Variants in GRID1 observed in about 807,000 individuals in gnomAD.
The protein encoded by GRID1 is glutamate receptor ionotropic, delta-1.
A neutral mutation model predicts 98.0 loss-of-function variants in GRID1; 28 were observed. The ratio of observed to expected loss-of-function variants is 0.29; its 90% CI spans 0.21 to 0.39. GRID1 has a LOEUF of 0.39. Among genes scored for constraint, GRID1 ranks in the 10% least tolerant of loss-of-function variants. The pLI is 1.00. For missense variants in GRID1, 1,111 were observed against 1,340.5 expected, an observed-to-expected ratio of 0.83 and a Z score of 2.67; for synonymous variants, 553 against 538.5, an observed-to-expected ratio of 1.03 and a Z score of -0.37.
intron 5 of GRID1, among the ~76,000 whole-genome samples, chr10:85,886,045 T>C (rs1004096400): frequency 2.7e-5 from 4 of 149,792 alleles, no homozygotes; most frequent in Non-Finnish European, 4.4e-5. Flanking sequence ...AGCTGTGTCC[T>C]GCCTGGTCCC....
chr10:86,161,308 C>T (rs768866320), intron 3 of GRID1, among the ~76,000 whole-genome samples: 24 of 152,048 alleles, frequency 1.6e-4, no homozygotes, highest in Non-Finnish European at 2.9e-4. Context: ...TTTCTGAAGC[C>T]TGCATAGGGG....
At chr10:85,653,960 GAA>G (rs111388204) in intron 12 of GRID1, among the ~76,000 whole-genome samples, 1 of 151,920 alleles carries the variant, frequency 6.6e-6, no homozygotes, top group East Asian at 1.9e-4. Flanking sequence ...TTATAAGCAA[GAA>G]AAAAAAGACT....
At chr10:85,958,105 C>T (rs1264870993) in intron 4 of GRID1, among the ~76,000 whole-genome samples, 1 of 152,232 alleles carries the variant, frequency 6.6e-6, no homozygotes, top group Non-Finnish European at 1.5e-5. Flanking sequence ...TCTAGAAACC[C>T]CTCTGACCCC....
chr10:86,357,855 G>A (rs551571315), intron 2 of GRID1, among the ~76,000 whole-genome samples: 2 of 152,260 alleles, frequency 1.3e-5, no homozygotes, highest in South Asian at 2.1e-4. Flanking sequence ...GAGGGGACCA[G>A]GAACAGCAGC....
chr10:85,916,162 T>C lies in GRID1; in HGVS notation c.780+24A>G, dbSNP rs756418438. ...GCTAGGGGCTCAGTCCAGGCCGTGC[T>C]CATCACATTTCTAGAGCCCTTACCT... On this transcript the variant is annotated intron_variant, in intron 5 of 15. Transcript: ENST00000327946. The surrounding 1 kb of genome is among the most constrained non-coding windows in gnomAD (Gnocchi z 4.0). 1 of 1,586,352 alleles carries C rather than the reference T, an allele frequency of 6.3e-7. No individual in the cohort carries two copies. The highest frequency in any genetic ancestry group is 8.7e-7 in the Non-Finnish European group (1 of 1,154,808).
At chr10:86,299,148 T>C (rs922994885) in intron 2 of GRID1, among the ~76,000 whole-genome samples, 1 of 151,812 alleles carries the variant, frequency 6.6e-6, no homozygotes, top group African/African-American at 2.4e-5. Context: ...GCCTGTTCCA[T>C]GTGGTACTGC....
intron 4 of GRID1, among the ~76,000 whole-genome samples, chr10:85,969,866 G>A (rs1564638422): frequency 6.6e-6 from 1 of 151,614 alleles, no homozygotes. Context: ...AAATGAAATA[G>A]AGCATAGAAA....
chr10:86,134,966 A>C (rs12247635), intron 4 of GRID1, among the ~76,000 whole-genome samples: 29,981 of 152,150 alleles, frequency 0.2, 3,742 homozygotes, highest in African/African-American at 0.34. Context: ...AACAGCCTAC[A>C]TGCCCACATA....
chr10:86,181,745 T>C (rs1845658442), intron 3 of GRID1, among the ~76,000 whole-genome samples: 1 of 152,218 alleles, frequency 6.6e-6, no homozygotes, highest in Admixed American at 6.5e-5. Context: ...AACCTCTGAT[T>C]AAGAGAGTCA....
chr10:86,083,368 G>A (rs575778290), intron 4 of GRID1, among the ~76,000 whole-genome samples: 42 of 152,122 alleles, frequency 2.8e-4, no homozygotes, highest in African/African-American at 9.9e-4. Context: ...GCGTGGTGTC[G>A]CTCATGCTAT....
At chr10:85,748,813 C>G (rs534854352) in intron 8 of GRID1, among the ~76,000 whole-genome samples, 16 of 152,238 alleles carry the variant, frequency 1.1e-4, no homozygotes, top group Non-Finnish European at 2.1e-4. Flanking sequence ...TCAAAAATTT[C>G]AAATATACAA....
rs1844909768 is a variant in GRID1, at chr10:86,135,449, G to C, written c.726+3370C>G. On this transcript the variant is annotated intron_variant, in intron 4 of 15. Coordinates refer to ENST00000327946, the MANE Select transcript of GRID1 (RefSeq NM_017551.3). ...CCCCAGGCCTGGGATCCGGAGACCT[G>C]AGTTCTATCACCCTCAGCCCCATCC... Among the ~76,000 whole-genome samples the C allele has an allele frequency of 4.6e-5, 7 of 152,150 alleles. No individual in the cohort carries two copies. In the South Asian group the frequency reaches 1.2e-3, roughly 27 times the overall value.
chr10:85,706,075 C>T (rs1374188570), intron 12 of GRID1, among the ~76,000 whole-genome samples: 3 of 152,146 alleles, frequency 2.0e-5, no homozygotes, highest in African/African-American at 7.2e-5. Flanking sequence ...CCTCTCTCAC[C>T]ACTCCTATTT....
At chr10:86,337,281 G>GCAGGA (rs1434188389) in intron 2 of GRID1, among the ~76,000 whole-genome samples, 1 of 152,176 alleles carries the variant, frequency 6.6e-6, no homozygotes, top group African/African-American at 2.4e-5. Flanking sequence ...CTGCATGTAG[G>GCAGGA]CAGGACAGGA....
chr10:85,719,007 A>C (rs1179298108), intron 12 of GRID1, among the ~76,000 whole-genome samples: 2 of 152,178 alleles, frequency 1.3e-5, no homozygotes, highest in Admixed American at 1.3e-4. Flanking sequence ...GCTGCTTAGA[A>C]ATTTCCTCCA....
At chr10:85,724,318 G>A in intron 11 of GRID1, 34 bp downstream of exon 11, 1 of 1,547,194 alleles carries the variant, frequency 6.5e-7, no homozygotes, top group Non-Finnish European at 8.9e-7. Flanking sequence ...CAGGCCCCTA[G>A]AGCTATTCAA....
chr10:86,309,777 C>A (rs1300441615), intron 2 of GRID1, among the ~76,000 whole-genome samples: 1 of 152,206 alleles, frequency 6.6e-6, no homozygotes, highest in Non-Finnish European at 1.5e-5. Context: ...GTCCTTCCTT[C>A]TGAAGTATAT....
intron 4 of GRID1, among the ~76,000 whole-genome samples, chr10:85,995,327 A>G (rs545644561): frequency 6.6e-6 from 1 of 152,364 alleles, no homozygotes; most frequent in South Asian, 2.1e-4. Flanking sequence ...GTTCCCAACT[A>G]GCAGGCAGCC....
chr10:86,295,129 C>G (rs572959330), intron 2 of GRID1, among the ~76,000 whole-genome samples: 1 of 152,168 alleles, frequency 6.6e-6, no homozygotes, highest in South Asian at 2.1e-4. Context: ...GCATACAGAA[C>G]GGCCTTTTCA....
Sources: allele counts gnomAD v4.1 joint callset (sites outside exome capture counted in the v4.1 genomes callset), GRCh38; gene constraint gnomAD v4.1.1; non-coding constraint Gnocchi (gnomAD v3.1); transcripts MANE v1.5; gene names NCBI Gene and HGNC (gene_info 2026-07-23, HGNC 2026-07-21).